The following MSI2 variants were observed in gnomAD, a reference collection of about 807,000 sequenced individuals.
MSI2 encodes the protein RNA-binding protein Musashi homolog 2.
A neutral mutation model predicts 45.6 loss-of-function variants in MSI2; 17 were observed. The observed-to-expected ratio is 0.37, with a 90% CI of 0.26 to 0.56. MSI2 has a LOEUF of 0.56. Ranked by LOEUF, MSI2 falls within the 20% of genes least tolerant of loss-of-function variation. The pLI is 0.77. For missense variants in MSI2, 293 were observed against 444.2 expected (o/e 0.66, Z 3.06); for synonymous variants, 156 against 158.2 (o/e 0.99, Z 0.11).
chr17:57,648,869 G>A (rs1260520705), intron 10 of MSI2, among the ~76,000 whole-genome samples: 1 of 152,156 alleles, frequency 6.6e-6, no homozygotes, highest in Non-Finnish European at 1.5e-5. Flanking sequence ...CCTCCTCAGG[G>A]CCTGGGGGAA....
chr17:57,267,111 G>GC (rs1471440014), intron 5 of MSI2: 1 of 152,292 alleles, frequency 6.6e-6, no homozygotes, highest in African/African-American at 2.4e-5. Context: ...GGTCATTCTA[G>GC]CATCTTGCCA....
chr17:57,636,176 A>G (rs1018525712), intron 10 of MSI2, among the ~76,000 whole-genome samples: 10 of 152,068 alleles, frequency 6.6e-5, no homozygotes, highest in African/African-American at 1.9e-4. Flanking sequence ...CCTGAGGGGT[A>G]GGGCTTGGAT....
intron 5 of MSI2, among the ~76,000 whole-genome samples, chr17:57,359,514 C>G (rs1298088548): frequency 6.6e-6 from 1 of 152,112 alleles, no homozygotes; most frequent in African/African-American, 2.4e-5. Flanking sequence ...GTACTGCCTC[C>G]CTGCCAAGGT....
intron 6 of MSI2, among the ~76,000 whole-genome samples, chr17:57,466,308 G>T (rs2085329315): frequency 6.6e-6 from 1 of 152,212 alleles, no homozygotes; most frequent in Admixed American, 6.5e-5. Flanking sequence ...CTTTACACTT[G>T]CTGGTAACCT....
chr17:57,443,880 C>T (rs1334483430), intron 6 of MSI2, among the ~76,000 whole-genome samples: 2 of 152,154 alleles, frequency 1.3e-5, no homozygotes, highest in Non-Finnish European at 2.9e-5. Context: ...CAGCAGATGC[C>T]ACTTTGCTTT....
chr17:57,650,529 C>T (rs920523420), intron 10 of MSI2, among the ~76,000 whole-genome samples: 23 of 152,148 alleles, frequency 1.5e-4, no homozygotes, highest in African/African-American at 5.6e-4. Context: ...TCATTGCTGC[C>T]TTCTGGGGAA....
chr17:57,514,524 A>G (rs1191266523), intron 6 of MSI2, among the ~76,000 whole-genome samples: 1 of 152,234 alleles, frequency 6.6e-6, no homozygotes, highest in Non-Finnish European at 1.5e-5. Context: ...AAACAGATGA[A>G]AACATGGCAC....
At chr17:57,599,553 C>CGAGAGA (rs1284348926) in intron 8 of MSI2, among the ~76,000 whole-genome samples, 2 of 152,202 alleles carry the variant, frequency 1.3e-5, no homozygotes, top group Non-Finnish European at 2.9e-5. Flanking sequence ...GTGACTATGT[C>CGAGAGA]AGGTGCACGT....
chr17:57,640,485 G>T (rs1910165728), intron 10 of MSI2, among the ~76,000 whole-genome samples: 1 of 152,182 alleles, frequency 6.6e-6, no homozygotes, highest in Non-Finnish European at 1.5e-5. Flanking sequence ...AATAAAAATA[G>T]AAATAAATGT....
intron 6 of MSI2, among the ~76,000 whole-genome samples, chr17:57,521,900 C>A (rs752945364): frequency 6.6e-6 from 1 of 152,200 alleles, no homozygotes; most frequent in African/African-American, 2.4e-5. Context: ...CCTTCTTCTC[C>A]GTCCTTCCTC....
At chr17:57,485,806 T>C (rs1567852169) in intron 6 of MSI2, among the ~76,000 whole-genome samples, 3 of 151,914 alleles carry the variant, frequency 2.0e-5, no homozygotes, top group Admixed American at 6.6e-5. Flanking sequence ...GAAGCAGGAG[T>C]TCAGGCTGAG....
At chr17:57,643,994 G>A (rs944579541) in intron 10 of MSI2, among the ~76,000 whole-genome samples, 2 of 152,144 alleles carry the variant, frequency 1.3e-5, no homozygotes, top group East Asian at 3.9e-4. Context: ...CCACGTGCCT[G>A]TCATTTTCCC....
At position 57,652,294 on chromosome 17, in the gene MSI2, C is replaced by T. The variant is rs952200716; in HGVS notation, c.790+133C>T. 2.1e-5 allele frequency: 19 copies of T among 891,246 alleles called. No individual in the cohort carries two copies. Among genetic ancestry groups the T allele is most frequent in the East Asian group, 8.7e-5 (3 of 34,382 alleles). The allele number at this position is 891,246 out of a possible 1,614,324, so 55.2% of individuals were successfully genotyped here. Reference sequence around the variant, plus strand: ...ACCACAGCCCCGGGGAGGGGGTGGACGGGGAGGGGGTGGACCGGGAGGCGC... The same window carrying T: ...ACCACAGCCCCGGGGAGGGGGTGGATGGGGAGGGGGTGGACCGGGAGGCGC... On this transcript the variant is annotated intron_variant, in intron 11 of 13. Coordinates refer to ENST00000284073, the MANE Select transcript of MSI2 (RefSeq NM_138962.4). This position sits in a 1 kb window ranked among gnomAD's most constrained non-coding sequence, Gnocchi z 4.1.
intron 11 of MSI2, among the ~76,000 whole-genome samples, chr17:57,654,471 A>G (rs764008662): frequency 4.6e-5 from 7 of 152,194 alleles, no homozygotes; most frequent in Non-Finnish European, 1.0e-4. Context: ...TGGGATGGCC[A>G]ATTATTTACC....
chr17:57,349,172 C>T (rs1479358950), intron 5 of MSI2, among the ~76,000 whole-genome samples: 17 of 152,174 alleles, frequency 1.1e-4, no homozygotes, highest in African/African-American at 3.6e-4. Flanking sequence ...TCCAGGCTCT[C>T]GTCTCGGAGC....
the MSI2 span, among the ~76,000 whole-genome samples, chr17:57,697,234 C>T: frequency 6.6e-6 from 1 of 151,914 alleles, no homozygotes; most frequent in African/African-American, 2.4e-5. Flanking sequence ...CACCCACACT[C>T]CCCTGTGCCC....
intron 5 of MSI2, among the ~76,000 whole-genome samples, chr17:57,397,237 G>T (rs537351721): frequency 6.6e-6 from 1 of 152,212 alleles, no homozygotes; most frequent in Non-Finnish European, 1.5e-5. Flanking sequence ...TCTCTTCACT[G>T]GGTAAAGAGG....
chr17:57,466,509 C>T, intron 6 of MSI2, among the ~76,000 whole-genome samples: 1 of 152,280 alleles, frequency 6.6e-6, no homozygotes, highest in East Asian at 1.9e-4. Context: ...GCAGGTTTTT[C>T]CCACTTACTT....
At chr17:57,384,222 G>A (rs1026584159) in intron 5 of MSI2, among the ~76,000 whole-genome samples, 7 of 152,184 alleles carry the variant, frequency 4.6e-5, no homozygotes, top group African/African-American at 1.7e-4. Context: ...GGCATAGCAG[G>A]GACAGCTGGT....
Sources: allele counts gnomAD v4.1 joint callset (sites outside exome capture counted in the v4.1 genomes callset), GRCh38; gene constraint gnomAD v4.1.1; non-coding constraint Gnocchi (gnomAD v3.1); transcripts MANE v1.5; gene names NCBI Gene and HGNC (gene_info 2026-07-23, HGNC 2026-07-21).